The following CCDC148 variants were observed in gnomAD, a reference collection of about 807,000 sequenced individuals.
The protein encoded by CCDC148 is coiled-coil domain-containing protein 148.
Under a neutral mutation model 85.7 loss-of-function variants are expected in CCDC148, and 89 were observed. That is an observed-to-expected ratio of 1.04 (90% CI 0.87 to 1.24). The LOEUF (loss-of-function observed/expected upper bound fraction) is 1.24. Ranked by LOEUF, CCDC148 falls within the 50% of genes most tolerant of loss-of-function variation. The pLI is 0.00. For synonymous variants in CCDC148, 230 were observed against 213.9 expected (o/e 1.08, Z -0.66); for missense variants, 692 against 671.7 (o/e 1.03, Z -0.33).
At chr2:158,416,387 A>T (rs1233551597) in intron 1 of CCDC148, among the ~76,000 whole-genome samples, 2 of 152,324 alleles carry the variant, frequency 1.3e-5, no homozygotes, top group South Asian at 4.1e-4. Context: ...TTCCAGTTTC[A>T]GATCATCTCT....
chr2:158,298,725 T>C (rs1159015080), intron 9 of CCDC148, among the ~76,000 whole-genome samples: 1 of 152,206 alleles, frequency 6.6e-6, no homozygotes, highest in Non-Finnish European at 1.5e-5. Context: ...CATTTTTATA[T>C]ATGCAAATTC....
At chr2:158,413,698 C>T (rs1366318870) in intron 1 of CCDC148, among the ~76,000 whole-genome samples, 1 of 151,558 alleles carries the variant, frequency 6.6e-6, no homozygotes, top group Non-Finnish European at 1.5e-5. Context: ...CTTGTCATTC[C>T]GTCTCTGTTG....
intron 7 of CCDC148, among the ~76,000 whole-genome samples, chr2:158,324,730 C>T (rs1431598528): frequency 1.5e-5 from 1 of 65,484 alleles, no homozygotes; most frequent in Admixed American, 1.2e-4. Context: ...CAATGTTTTA[C>T]ATTTTATAGG....
At chr2:158,439,696 A>G (rs531939771) in intron 1 of CCDC148, among the ~76,000 whole-genome samples, 6 of 152,174 alleles carry the variant, frequency 3.9e-5, no homozygotes, top group Non-Finnish European at 8.8e-5. Flanking sequence ...ATGATATCCA[A>G]AAAAGAAAGG....
chr2:158,372,245 T>G (rs933287254), intron 1 of CCDC148, among the ~76,000 whole-genome samples: 3 of 152,018 alleles, frequency 2.0e-5, no homozygotes, highest in Non-Finnish European at 2.9e-5. Flanking sequence ...AGAATTTTTT[T>G]GGGGCGGGGG....
chr2:158,389,133 G>A (rs537675714), intron 1 of CCDC148, among the ~76,000 whole-genome samples: 8 of 152,114 alleles, frequency 5.3e-5, no homozygotes, highest in African/African-American at 1.2e-4. Flanking sequence ...TAAAAATTAC[G>A]TTTGAAATAA....
chr2:158,345,191 C>T (rs376036691), intron 3 of CCDC148, 24 bp downstream of exon 3: 42 of 1,520,074 alleles, frequency 2.8e-5, no homozygotes, highest in Non-Finnish European at 3.6e-5. Flanking sequence ...CCTACGTGTT[C>T]TTACTATGTC....
chr2:158,363,702 A>G (rs1055607045), intron 1 of CCDC148, among the ~76,000 whole-genome samples: 19 of 152,204 alleles, frequency 1.2e-4, no homozygotes, highest in Admixed American at 7.9e-4. Context: ...CCCACAACCA[A>G]TATCATACTG....
At chr2:158,342,850 GT>G (rs770945031) in intron 3 of CCDC148, among the ~76,000 whole-genome samples, 29 of 152,152 alleles carry the variant, frequency 1.9e-4, no homozygotes, top group Non-Finnish European at 3.7e-4. Flanking sequence ...CTCTGGAAAA[GT>G]GTGTCAAAAA....
intron 11 of CCDC148, among the ~76,000 whole-genome samples, chr2:158,192,754 A>G (rs769080865): frequency 1.3e-4 from 20 of 151,948 alleles, no homozygotes; most frequent in Non-Finnish European, 2.4e-4. Context: ...CCCAAGGGAA[A>G]ATTCCACTTA....
intron 9 of CCDC148, among the ~76,000 whole-genome samples, chr2:158,266,967 C>T (rs1279125976): frequency 2.1e-5 from 3 of 145,614 alleles, no homozygotes; most frequent in East Asian, 2.0e-4. Flanking sequence ...TATATATATA[C>T]ACATATATAT....
intron 1 of CCDC148, among the ~76,000 whole-genome samples, chr2:158,364,211 A>G (rs981660106): frequency 1.3e-5 from 2 of 152,238 alleles, no homozygotes; most frequent in African/African-American, 4.8e-5. Context: ...GGAAGAATGA[A>G]TATCGTGAAA....
chr2:158,341,232 ATATATG>A (rs1682674817), intron 3 of CCDC148, among the ~76,000 whole-genome samples: 1 of 152,058 alleles, frequency 6.6e-6, no homozygotes, highest in African/African-American at 2.4e-5. Flanking sequence ...ATGTATACAT[ATATATG>A]TGTATGTATA....
chr2:158,329,481 T>C (rs184608529), intron 7 of CCDC148, among the ~76,000 whole-genome samples: 26,917 of 152,026 alleles, frequency 0.18, 3,087 homozygotes, highest in Middle Eastern at 0.26. Context: ...TAGGATTGAC[T>C]TGGCGATGTG....
At chr2:158,385,036 A>G (rs1685027884) in intron 1 of CCDC148, among the ~76,000 whole-genome samples, 1 of 152,158 alleles carries the variant, frequency 6.6e-6, no homozygotes, top group Non-Finnish European at 1.5e-5. Context: ...CTTGCTCACC[A>G]TCAGTCAGGG....
At chr2:158,328,111 C>G (rs1329013217) in intron 7 of CCDC148, among the ~76,000 whole-genome samples, 1 of 151,912 alleles carries the variant, frequency 6.6e-6, no homozygotes, top group Non-Finnish European at 1.5e-5. Context: ...GTGTACTGCA[C>G]CCAACAACTC....
intron 9 of CCDC148, among the ~76,000 whole-genome samples, chr2:158,304,720 A>T (rs188642278): frequency 6.6e-6 from 1 of 152,298 alleles, no homozygotes; most frequent in East Asian, 1.9e-4. Context: ...TTACATCAGG[A>T]CTTTTCCTGA....
chr2:158,350,355 G>A (rs918613040), intron 2 of CCDC148, among the ~76,000 whole-genome samples: 1 of 151,990 alleles, frequency 6.6e-6, no homozygotes, highest in Non-Finnish European at 1.5e-5. Flanking sequence ...GGTACATCTC[G>A]AATGGATGGA....
chr2:158,404,606 T>C lies in CCDC148; in HGVS notation c.26-46036A>G, dbSNP rs1251854436. Among the ~76,000 whole-genome samples the C allele has an allele frequency of 2.0e-5, 3 of 152,290 alleles. No homozygotes were observed. In the South Asian group the frequency reaches 6.2e-4, roughly 32 times the overall value. ...TAAAATTTGCTTTGAGCATAAAACA[T>C]CCTTAACCATTTTTGAGATCTGTAT... On this transcript the variant is annotated intron_variant, in intron 1 of 13. Coordinates refer to ENST00000283233, the MANE Select transcript of CCDC148 (RefSeq NM_138803.4).
Sources: allele counts gnomAD v4.1 joint callset (sites outside exome capture counted in the v4.1 genomes callset), GRCh38; gene constraint gnomAD v4.1.1; transcripts MANE v1.5; gene names NCBI Gene and HGNC (gene_info 2026-07-23, HGNC 2026-07-21).